Variants in CFAP299 observed in about 807,000 individuals in gnomAD.
The protein encoded by CFAP299 is cilia- and flagella-associated protein 299.
Under a neutral mutation model 27.0 loss-of-function variants are expected in CFAP299, and 21 were observed. The observed-to-expected ratio is 0.78, with a 90% confidence interval of 0.55 to 1.12. The LOEUF (loss-of-function observed/expected upper bound fraction) is 1.12. CFAP299 is among the 50% of genes most tolerant of loss of function. The pLI, the probability that CFAP299 is intolerant of heterozygous loss-of-function variation, is 0.00. For synonymous variants in CFAP299, 104 were observed against 98.1 expected, an observed-to-expected ratio of 1.06 and a Z score of -0.36; for missense variants, 310 against 276.6, an observed-to-expected ratio of 1.12 and a Z score of -0.86.
At chr4:80,766,023 G>A (rs962937569) in intron 3 of CFAP299, among the ~76,000 whole-genome samples, 13 of 151,934 alleles carry the variant, frequency 8.6e-5, no homozygotes, top group Non-Finnish European at 1.9e-4. Flanking sequence ...AAAAATGATA[G>A]CTAAACATTT....
At chr4:80,321,452 C>T in the CFAP299 span, among the ~76,000 whole-genome samples, 2 of 152,160 alleles carry the variant, frequency 1.3e-5, no homozygotes, top group Non-Finnish European at 2.9e-5. Context: ...GTGAGGTCTG[C>T]TCCAGGCCGT....
At chr4:80,790,568 C>T (rs1166555835) in intron 3 of CFAP299, 1 of 151,380 alleles carries the variant, frequency 6.6e-6, no homozygotes, top group African/African-American at 2.4e-5. Flanking sequence ...AGAGAGCTAG[C>T]TAACTCTCTC....
At chr4:80,892,813 G>A (rs1241002836) in intron 4 of CFAP299, among the ~76,000 whole-genome samples, 1 of 151,976 alleles carries the variant, frequency 6.6e-6, no homozygotes, top group Non-Finnish European at 1.5e-5. Flanking sequence ...TCCAAGATAA[G>A]TATTAAGACA....
At chr4:80,635,861 T>C (rs571088858) in intron 3 of CFAP299, among the ~76,000 whole-genome samples, 3 of 152,256 alleles carry the variant, frequency 2.0e-5, no homozygotes, top group Admixed American at 2.0e-4. Context: ...TTTACTACCT[T>C]AGGTGACTGC....
intron 2 of CFAP299, among the ~76,000 whole-genome samples, chr4:80,568,951 G>A (rs1735447375): frequency 6.6e-6 from 1 of 152,090 alleles, no homozygotes; most frequent in Non-Finnish European, 1.5e-5. Flanking sequence ...AAATTGTAAA[G>A]CAGGAGGAGA....
chr4:80,649,027 C>A (rs745878656), intron 3 of CFAP299: 2 of 151,972 alleles, frequency 1.3e-5, no homozygotes, highest in Non-Finnish European at 2.9e-5. Flanking sequence ...GGAGACTTCA[C>A]CTAGAAAGTG....
chr4:80,954,681 G>T (rs747224806), intron 5 of CFAP299, among the ~76,000 whole-genome samples: 4 of 151,834 alleles, frequency 2.6e-5, no homozygotes, highest in Non-Finnish European at 4.4e-5. Flanking sequence ...CTTAATATGC[G>T]GGGGGGACAA....
chr4:80,799,826 ATAT>A (rs1728253721), intron 3 of CFAP299, among the ~76,000 whole-genome samples: 5 of 38,888 alleles, frequency 1.3e-4, no homozygotes, highest in Admixed American at 5.1e-4. Context: ...TATATTATAT[ATAT>A]TTATATATTA....
intron 5 of CFAP299, among the ~76,000 whole-genome samples, chr4:80,954,157 A>T (rs532046360): frequency 6.6e-6 from 1 of 152,244 alleles, no homozygotes; most frequent in African/African-American, 2.4e-5. Flanking sequence ...TAAAAACCTG[A>T]TAACTAATAA....
At chr4:80,426,447 A>G (rs182519873) in intron 2 of CFAP299, among the ~76,000 whole-genome samples, 82 of 152,332 alleles carry the variant, frequency 5.4e-4, no homozygotes, top group Middle Eastern at 6.8e-3. Context: ...TCAAGAAAAA[A>G]GTAAATCTAC....
rs1250372351 is a variant in CFAP299 at position 80,552,658 on chromosome 4, T to A, written c.243-30435T>A. Among the ~76,000 whole-genome samples the A allele has an allele frequency of 3.3e-5, 5 of 152,300 alleles. No homozygotes were observed. The South Asian group carries it at 8.3e-4, about 25-fold the overall frequency. ...TGACTTTACAAAGATTTAAATATAT[T>A]TTGAATAAGAGGTTATTACTACACC... On this transcript the variant is annotated intron_variant, in intron 2 of 5. Coordinates refer to ENST00000358105, the MANE Select transcript of CFAP299 (RefSeq NM_152770.3).
chr4:80,903,863 T>C (rs994515345), intron 4 of CFAP299, among the ~76,000 whole-genome samples: 2 of 152,106 alleles, frequency 1.3e-5, no homozygotes, highest in Non-Finnish European at 2.9e-5. Context: ...CTCATTTACA[T>C]AGGGATTCAT....
intron 3 of CFAP299, among the ~76,000 whole-genome samples, chr4:80,666,255 A>G (rs1741138554): frequency 6.6e-6 from 1 of 152,046 alleles, no homozygotes; most frequent in Non-Finnish European, 1.5e-5. Flanking sequence ...TCCCTTAACT[A>G]TGTCTCAGAG....
chr4:80,630,352 TTC>T (rs1173435531), intron 3 of CFAP299, among the ~76,000 whole-genome samples: 1 of 152,178 alleles, frequency 6.6e-6, no homozygotes, highest in East Asian at 1.9e-4. Flanking sequence ...CTGATAACTT[TTC>T]TCTTATCAGA....
At chr4:80,566,267 G>A (rs1179867191) in intron 2 of CFAP299, among the ~76,000 whole-genome samples, 1 of 152,008 alleles carries the variant, frequency 6.6e-6, no homozygotes, top group East Asian at 1.9e-4. Flanking sequence ...CATGCAATAA[G>A]CCTTTCTAAT....
chr4:80,693,465 C>T (rs953766179), intron 3 of CFAP299, among the ~76,000 whole-genome samples: 16 of 147,584 alleles, frequency 1.1e-4, no homozygotes, highest in Admixed American at 2.1e-4. Context: ...CCAAACACCG[C>T]ATATTCTCAC....
At chr4:80,871,409 A>G in intron 4 of CFAP299, 1 of 985,434 alleles carries the variant, frequency 1.0e-6, no homozygotes, top group Non-Finnish European at 1.2e-6. Flanking sequence ...GCTGAAGGAA[A>G]TTTTAGGAAA....
chr4:80,550,336 G>A (rs1734437644), intron 2 of CFAP299, among the ~76,000 whole-genome samples: 1 of 151,906 alleles, frequency 6.6e-6, no homozygotes, highest in African/African-American at 2.4e-5. Context: ...ATGAAGTGCA[G>A]GTTATCTCGT....
intron 3 of CFAP299, among the ~76,000 whole-genome samples, chr4:80,842,094 G>T (rs1730892637): frequency 6.6e-6 from 1 of 151,916 alleles, no homozygotes; most frequent in African/African-American, 2.4e-5. Context: ...GGCTGGTGAG[G>T]ATGGGAGAGG....
Sources: allele counts gnomAD v4.1 joint callset (sites outside exome capture counted in the v4.1 genomes callset), GRCh38; gene constraint gnomAD v4.1.1; transcripts MANE v1.5; gene names NCBI Gene and HGNC (gene_info 2026-07-23, HGNC 2026-07-21).